The following ABCC4 variants were observed in gnomAD, a reference collection of about 807,000 sequenced individuals.
The protein encoded by ABCC4 is ATP-binding cassette sub-family C member 4.
Under a neutral mutation model 168.5 loss-of-function variants are expected in ABCC4, and 102 were observed. The observed-to-expected ratio is 0.61, with a 90% CI of 0.52 to 0.71. The LOEUF is 0.71. Ranked by LOEUF, ABCC4 falls within the 30% of genes least tolerant of loss-of-function variation. ABCC4 has a pLI of 0.00. For missense variants in ABCC4, 1,402 were observed against 1,605.8 expected (o/e 0.87, Z 2.17); for synonymous variants, 617 against 590.7 (o/e 1.04, Z -0.65).
intron 30 of ABCC4, among the ~76,000 whole-genome samples, chr13:95,027,268 T>A (rs911774260): frequency 2.0e-5 from 3 of 151,998 alleles, no homozygotes; most frequent in Non-Finnish European, 4.4e-5. Flanking sequence ...TTTTTTTTTT[T>A]AAACTGCCAC....
At chr13:95,227,674 C>T (rs537892055) in intron 4 of ABCC4, among the ~76,000 whole-genome samples, 3 of 152,164 alleles carry the variant, frequency 2.0e-5, no homozygotes, top group Non-Finnish European at 4.4e-5. Context: ...TATGAAATTG[C>T]TAGTTTTGTA....
chr13:95,065,084 C>T (rs567801987), intron 25 of ABCC4, among the ~76,000 whole-genome samples: 12 of 152,150 alleles, frequency 7.9e-5, no homozygotes, highest in Non-Finnish European at 1.8e-4. Context: ...CAACAGCCCC[C>T]CTCCAAACAG....
intron 27 of ABCC4, among the ~76,000 whole-genome samples, chr13:95,048,657 G>A (rs925446635): frequency 8.5e-5 from 13 of 152,236 alleles, no homozygotes; most frequent in Non-Finnish European, 1.5e-4. Flanking sequence ...CTGCTGATGT[G>A]CAGATTTCTG....
chr13:95,042,057 T>C (rs150987725), intron 29 of ABCC4, among the ~76,000 whole-genome samples: 294 of 152,294 alleles, frequency 1.9e-3, no homozygotes, highest in Middle Eastern at 6.8e-3. Flanking sequence ...CCCAATATCA[T>C]TGGAGAGATC....
chr13:95,022,606 G>C (rs1400100761), intron 30 of ABCC4, among the ~76,000 whole-genome samples: 1 of 152,138 alleles, frequency 6.6e-6, no homozygotes, highest in Non-Finnish European at 1.5e-5. Context: ...CCCCAAAGAA[G>C]AATGTGAAAA....
chr13:95,247,577 A>T, intron 2 of ABCC4, 66 bp downstream of exon 2: 1 of 1,325,536 alleles, frequency 7.5e-7, no homozygotes, highest in Non-Finnish European at 1.1e-6. Context: ...CCAGGAAGGC[A>T]AAACCCACTC....
intron 4 of ABCC4, among the ~76,000 whole-genome samples, chr13:95,212,930 C>G (rs149190608): frequency 0.032 from 4,882 of 152,098 alleles, 164 homozygotes; most frequent in East Asian, 0.12. Context: ...GAGTTCGAGA[C>G]CAGCCTGGTC....
chr13:95,100,595 C>T lies in ABCC4; in HGVS notation c.2535+15327G>A, dbSNP rs1013122913. On this transcript the variant is annotated intron_variant, in intron 20 of 30. Transcript: ENST00000645237. ...TCCAGTAACTCATGTCATCAACTGC[C>T]CTGTCTATTAACAAGGAAATCCACT... is the stretch of plus-strand genomic sequence containing the variant. 2.6e-5 allele frequency among the ~76,000 whole-genome samples: 4 copies of T among 152,136 alleles called. No individual in the cohort carries two copies. The South Asian group carries it at 8.3e-4, about 32-fold the overall frequency.
At chr13:95,164,957 A>G (rs1364509709) in intron 15 of ABCC4, among the ~76,000 whole-genome samples, 1 of 152,134 alleles carries the variant, frequency 6.6e-6, no homozygotes, top group Admixed American at 6.5e-5. Flanking sequence ...TCGGACTTCC[A>G]AAGCGCTGGG....
chr13:95,231,500 G>A (rs1398698609), intron 4 of ABCC4, among the ~76,000 whole-genome samples: 1 of 152,136 alleles, frequency 6.6e-6, no homozygotes, highest in Non-Finnish European at 1.5e-5. Context: ...AGGATATGGG[G>A]GCCTCAGTGG....
At chr13:95,157,306 G>A (rs764536085) in intron 19 of ABCC4, among the ~76,000 whole-genome samples, 1 of 149,578 alleles carries the variant, frequency 6.7e-6, no homozygotes. Context: ...CCAATAGGAG[G>A]TAAAACCCTG....
Position 95,053,150 on chromosome 13 carries a change from T to C in ABCC4, c.3401A>G (p.Asn1134Ser). Residue 1134 changes from asparagine to serine, a missense_variant, in exon 27 of 31, where the codon AAC (asparagine) becomes AGC (serine). This residue lies in a region of ABCC4 where 1,007 missense variants were observed against 1,127.3 expected (regional missense o/e 0.89). Coordinates refer to ENST00000645237, the MANE Select transcript of ABCC4 (RefSeq NM_005845.5). Reference protein sequence around the residue: ...PVLFTGTMRKNLDPFNEHTDE... With the variant: ...PVLFTGTMRKSLDPFNEHTDE... Reference sequence around the variant, plus strand: ...CGTGTGCTCATTAAAGGGATCCAGGTTTTTCCTCATTGTTCCAGTGAACAA... The same window carrying C: ...CGTGTGCTCATTAAAGGGATCCAGGCTTTTCCTCATTGTTCCAGTGAACAA... 6.2e-7 allele frequency: 1 copy of C among 1,614,110 alleles called. No homozygotes were observed. The highest frequency in any genetic ancestry group is 1.7e-4 in the Middle Eastern group (1 of 6,060).
intron 4 of ABCC4, among the ~76,000 whole-genome samples, chr13:95,218,927 GAGAAAGAA>G (rs71111597): frequency 0.027 from 1,130 of 42,334 alleles, 25 homozygotes; most frequent in East Asian, 0.062. Flanking sequence ...GAGAAAGAAA[GAGAAAGAA>G]AGAAAGAAAG....
chr13:95,127,230 T>A (rs2035811994), intron 19 of ABCC4, among the ~76,000 whole-genome samples: 1 of 152,170 alleles, frequency 6.6e-6, no homozygotes, highest in Non-Finnish European at 1.5e-5. Flanking sequence ...CATCTGATGC[T>A]GTTCATCATC....
chr13:95,188,489 T>C lies in ABCC4; in HGVS notation c.1317A>G (p.Glu439=), dbSNP rs758187824. 1 of 1,614,096 alleles carries C rather than the reference T, an allele frequency of 6.2e-7. No individual in the cohort carries two copies. Among genetic ancestry groups the C allele is most frequent in the East Asian group, 2.2e-5 (1 of 44,876 alleles). ...QGLSFTVRPG[E]LLAVVGPVGA... ...CCACGGGGCCGACCACAGCTAACAA[T>C]TCGCCAGGTCTGACAGTAAAGGAAA... The change falls in exon 10 of 31, where the codon GAA becomes GAG. Residue 439 remains glutamate (E), a synonymous_variant. Transcript: ENST00000645237.
intron 20 of ABCC4, among the ~76,000 whole-genome samples, chr13:95,107,678 G>A (rs1238181331): frequency 6.6e-6 from 1 of 152,142 alleles, no homozygotes; most frequent in Non-Finnish European, 1.5e-5. Context: ...TGTAATCCCA[G>A]CACTTTGGGA....
intron 3 of ABCC4, among the ~76,000 whole-genome samples, chr13:95,241,015 G>T (rs1436773892): frequency 6.6e-6 from 1 of 151,274 alleles, no homozygotes; most frequent in Non-Finnish European, 1.5e-5. Flanking sequence ...ATGAGGCTTG[G>T]CCTTGGCCCT....
chr13:95,069,533 G>A (rs1490689359), intron 25 of ABCC4, among the ~76,000 whole-genome samples: 1 of 151,966 alleles, frequency 6.6e-6, no homozygotes, highest in Non-Finnish European at 1.5e-5. Context: ...TCATGTTGTT[G>A]GGCAACCGTC....
intron 19 of ABCC4, among the ~76,000 whole-genome samples, chr13:95,139,545 C>T (rs566252495): frequency 6.6e-6 from 1 of 152,260 alleles, no homozygotes; most frequent in East Asian, 1.9e-4. Flanking sequence ...AGCCCATGCC[C>T]AATGGGGCCG....
Sources: allele counts gnomAD v4.1 joint callset (sites outside exome capture counted in the v4.1 genomes callset), GRCh38; gene constraint gnomAD v4.1.1; regional missense constraint gnomAD v4.1.1; transcripts MANE v1.5; gene names NCBI Gene and HGNC (gene_info 2026-07-23, HGNC 2026-07-21).